DHX32: variants seen among roughly 807,000 people sequenced by gnomAD.
The protein encoded by DHX32 is DEAH-box helicase 32 (putative), also known as putative pre-mRNA-splicing factor ATP-dependent RNA helicase DHX32.
A neutral mutation model predicts 70.0 loss-of-function variants in DHX32; 51 were observed. That is an observed-to-expected ratio of 0.73 (90% CI 0.58 to 0.92). The LOEUF (loss-of-function observed/expected upper bound fraction) is 0.92. DHX32 is among the 40% of genes least tolerant of loss of function. The pLI, the probability that DHX32 is intolerant of heterozygous loss-of-function variation, is 0.00. For synonymous variants in DHX32, 310 were observed against 315.3 expected (o/e 0.98, Z 0.18); for missense variants, 762 against 891.8 (o/e 0.85, Z 1.85).
rs1944221011 is a variant in DHX32, at chr10:125,866,541, C to T, written c.476+449G>A. 6.6e-6 allele frequency among the ~76,000 whole-genome samples: 1 copy of T among 152,142 alleles called. No homozygotes were observed. Among genetic ancestry groups the T allele is most frequent in the African/African-American group, 2.4e-5 (1 of 41,422 alleles). ...AGGGAAGCCTTCCTGGAGTAGGTGG[C>T]TGCTACACTGCATACTGAGTGACTA... is the stretch of plus-strand genomic sequence containing the variant. On this transcript the variant is annotated intron_variant, in intron 2 of 10. Transcript: ENST00000284690. This position sits in a 1 kb window ranked among gnomAD's most constrained non-coding sequence, Gnocchi z 4.8.
In DHX32 at chr10:125,844,922, A is replaced by G. The variant is rs73381235; in HGVS notation, c.1352-2988T>C. ...ACTCCTCCTCCACTACCATCACTCA[A>G]AGTAATGTGAAGGGCTATCATTACA... On this transcript the variant is annotated intron_variant, in intron 6 of 10. Coordinates refer to ENST00000284690, the MANE Select transcript of DHX32 (RefSeq NM_018180.3). Among the ~76,000 whole-genome samples, 732 of 152,306 alleles carry G rather than the reference A, an allele frequency of 4.8e-3. 8 individuals are homozygous for G. The highest frequency in any genetic ancestry group is 0.016 in the African/African-American group (666 of 41,566).
rs79385374 is a variant in DHX32, at chr10:125,847,366, G to A, written c.1351+4927C>T. ...TGCTAGTTTGAGCTGGATTACTAGT[G>A]CTTGCATTCAGAAGAATTTAATATA... On this transcript the variant is annotated intron_variant, in intron 6 of 10. Coordinates refer to ENST00000284690, the MANE Select transcript of DHX32 (RefSeq NM_018180.3). Among the ~76,000 whole-genome samples the A allele has an allele frequency of 7.1e-3, 1,085 of 152,282 alleles. 13 individuals carry two copies. The highest frequency in any genetic ancestry group is 0.025 in the African/African-American group (1,023 of 41,552).
chr10:125,880,777 G>T lies in DHX32; in HGVS notation c.48C>A (p.Arg16=). The part of the protein sequence containing the change: ...LECPNSSSEK[R]YFPESLDSSD... ...TGGAATCCAGGGATTCAGGAAAATAGCGTTTTTCAGAGGAAGAGTTTGGAC... is the reference window on the plus strand; with the variant it reads ...TGGAATCCAGGGATTCAGGAAAATATCGTTTTTCAGAGGAAGAGTTTGGAC... Residue 16 remains arginine (R), a synonymous_variant, in exon 1 of 11, where the codon CGC becomes CGA. Coordinates refer to ENST00000284690, the MANE Select transcript of DHX32 (RefSeq NM_018180.3). 6.2e-7 allele frequency: 1 copy of T among 1,614,182 alleles called. No homozygotes were observed. The highest frequency in any genetic ancestry group is 8.5e-7 in the Non-Finnish European group (1 of 1,180,036).
chr10:125,859,629 T>G lies in DHX32; in HGVS notation c.823A>C (p.Ile275Leu). 4 of 1,600,476 alleles carry G rather than the reference T, an allele frequency of 2.5e-6. No homozygotes were observed. The highest frequency in any genetic ancestry group is 3.4e-6 in the Non-Finnish European group (4 of 1,174,172). Residue 275 changes from isoleucine (I) to leucine (L), a missense_variant, in exon 3 of 11, where the codon ATT becomes CTT. This residue lies in a region of DHX32 where 394 missense variants were observed against 473.1 expected (regional missense o/e 0.83). Transcript: ENST00000284690. ...TGTTCACAGGCCAGAAAGACTACAA[T>G]GTCACCTTTCTCACCCGAGTGGTGA... ...EIHHSGEKGD[I>L]VVFLACEQDI... is the part of the protein sequence containing the mutation.
intron 2 of DHX32, among the ~76,000 whole-genome samples, chr10:125,862,087 G>C (rs1430884049): frequency 1.3e-5 from 2 of 152,136 alleles, no homozygotes; most frequent in Non-Finnish European, 2.9e-5. Flanking sequence ...GAAAACTGAA[G>C]GTCAGAAAAA....
chr10:125,862,690 G>T (rs1461342924), intron 2 of DHX32, among the ~76,000 whole-genome samples: 1 of 152,038 alleles, frequency 6.6e-6, no homozygotes, highest in African/African-American at 2.4e-5. Context: ...AATTGTGAAG[G>T]CTCAATCCTA....
chr10:125,855,455 T>G (rs1009475126), intron 3 of DHX32, among the ~76,000 whole-genome samples: 59 of 146,444 alleles, frequency 4.0e-4, no homozygotes, highest in African/African-American at 1.1e-3. Context: ...ACTGTTTTTT[T>G]TTTTTTTTTT....
intron 1 of DHX32, among the ~76,000 whole-genome samples, chr10:125,878,227 G>A (rs955810657): frequency 6.6e-6 from 1 of 152,180 alleles, no homozygotes; most frequent in Non-Finnish European, 1.5e-5. Context: ...TTTTGAGAAA[G>A]TGTAGACATA....
intron 6 of DHX32, among the ~76,000 whole-genome samples, chr10:125,845,474 GGA>G (rs1293206461): frequency 6.6e-6 from 1 of 152,302 alleles, no homozygotes; most frequent in East Asian, 1.9e-4. Flanking sequence ...AATATGCATA[GGA>G]GAGAGAACAT....
chr10:125,859,045 G>GTTT (rs71029270), intron 3 of DHX32, among the ~76,000 whole-genome samples: 2 of 141,754 alleles, frequency 1.4e-5, no homozygotes, highest in South Asian at 2.2e-4. Context: ...TTGTTTGTTT[G>GTTT]TTTTTTTTTT....
upstream of DHX32, among the ~76,000 whole-genome samples, chr10:125,882,532 A>T (rs1020308082): frequency 7.9e-5 from 12 of 152,230 alleles, no homozygotes; most frequent in African/African-American, 2.9e-4. Context: ...TATTTTGAAG[A>T]TGGCAGCAAG....
chr10:125,875,874 T>A (rs1451457240), intron 1 of DHX32, among the ~76,000 whole-genome samples: 1 of 152,178 alleles, frequency 6.6e-6, no homozygotes, highest in Admixed American at 6.5e-5. Flanking sequence ...ACTGCCTTTG[T>A]AAAACTAATG....
intron 1 of DHX32, among the ~76,000 whole-genome samples, chr10:125,888,455 A>G (rs954590746): frequency 2.1e-4 from 32 of 152,118 alleles, no homozygotes; most frequent in Non-Finnish European, 4.3e-4. Flanking sequence ...AATTGTGCTC[A>G]TTTTAACCAA....
intron 4 of DHX32, 88 bp from the exon 5 acceptor site, chr10:125,852,730 C>G: frequency 8.4e-7 from 1 of 1,190,336 alleles, no homozygotes; most frequent in South Asian, 1.5e-5. Flanking sequence ...CTGCGCAGTA[C>G]TTTACTCCAT....
At chr10:125,848,415 T>G (rs900606819) in intron 6 of DHX32, among the ~76,000 whole-genome samples, 1 of 152,230 alleles carries the variant, frequency 6.6e-6, no homozygotes, top group African/African-American at 2.4e-5. Flanking sequence ...GGGCAGACAC[T>G]CTACCCTAAT....
intron 4 of DHX32, chr10:125,853,215 TC>T: frequency 6.2e-7 from 1 of 1,612,202 alleles, no homozygotes; most frequent in African/African-American, 1.3e-5. Flanking sequence ...CAGGGAACCT[TC>T]ATGACTGTTG....
chr10:125,885,005 C>G (rs1341118154), upstream of DHX32, among the ~76,000 whole-genome samples: 1 of 151,972 alleles, frequency 6.6e-6, no homozygotes, highest in Non-Finnish European at 1.5e-5. Flanking sequence ...TGTATCTGTC[C>G]TTAGGATCCA....
chr10:125,864,271 A>C (rs1172279871), intron 2 of DHX32, among the ~76,000 whole-genome samples: 1 of 152,206 alleles, frequency 6.6e-6, no homozygotes, highest in East Asian at 1.9e-4. Flanking sequence ...AGCAAGAGTA[A>C]CTGTGAAGTG....
rs752456171 is a variant in DHX32, at chr10:125,859,851, G to C, written c.601C>G (p.Leu201Val). The C allele has an allele frequency of 2.5e-6, 4 of 1,614,072 alleles. No homozygotes were observed. In the South Asian group the frequency reaches 3.3e-5, roughly 13 times the overall value. Reference sequence around the variant, plus strand: ...GGTCTTGCTAGTAAAACATCTTTAAGAAGTCCAAGTAACACATCAGTTGCA... The same window carrying C: ...GGTCTTGCTAGTAAAACATCTTTAACAAGTCCAAGTAACACATCAGTTGCA... Reference protein sequence around the residue: ...SIATDVLLGLLKDVLLARPEL... With the variant: ...SIATDVLLGLVKDVLLARPEL... The change falls in exon 3 of 11, where the codon CTT (leucine) becomes GTT (valine). Residue 201 changes from leucine (L) to valine (V), a missense_variant. Physicochemically the swap from Leu to Val is conservative, Grantham distance 32. This residue lies in a region of DHX32 where 394 missense variants were observed against 473.1 expected (regional missense o/e 0.83). Transcript: ENST00000284690.
Sources: allele counts gnomAD v4.1 joint callset (sites outside exome capture counted in the v4.1 genomes callset), GRCh38; gene constraint gnomAD v4.1.1; regional missense constraint gnomAD v4.1.1; non-coding constraint Gnocchi (gnomAD v3.1); transcripts MANE v1.5; gene names NCBI Gene and HGNC (gene_info 2026-07-23, HGNC 2026-07-21).